The following ZDHHC7 variants were observed in gnomAD, a reference collection of about 807,000 sequenced individuals.
The protein encoded by ZDHHC7 is palmitoyltransferase ZDHHC7.
A neutral mutation model predicts 34.1 loss-of-function variants in ZDHHC7; 12 were observed. The ratio of observed to expected loss-of-function variants is 0.35; its 90% CI spans 0.23 to 0.57. The LOEUF (loss-of-function observed/expected upper bound fraction) is 0.57, where lower values mean the gene tolerates loss of function less well. Ranked by LOEUF, ZDHHC7 falls within the 20% of genes least tolerant of loss-of-function variation. ZDHHC7 has a pLI of 0.84. For synonymous variants in ZDHHC7, 185 were observed against 155.4 expected, an observed-to-expected ratio of 1.19 and a Z score of -1.42; for missense variants, 388 against 402.7, an observed-to-expected ratio of 0.96 and a Z score of 0.31.
rs549642725 is a variant in ZDHHC7, at chr16:84,975,360, C to T, written c.*983G>A. 231 of 152,506 alleles carry T rather than the reference C, an allele frequency of 1.5e-3. No homozygotes were observed. Among genetic ancestry groups the T allele is most frequent in the Admixed American group, 2.5e-3 (38 of 15,302 alleles). 9.4% of individuals were successfully genotyped at this position (152,506 alleles called of 1,614,324 possible). On this transcript the variant is annotated 3_prime_UTR_variant, in exon 8 of 8. Coordinates refer to ENST00000313732, the MANE Select transcript of ZDHHC7 (RefSeq NM_017740.3). ...AAGGATGCCTCCCCTGCCCCACACA[C>T]AGCATCGGGCTGCCCCAAGTATCAA...
the ZDHHC7 span, among the ~76,000 whole-genome samples, chr16:85,019,110 C>T: frequency 6.6e-5 from 10 of 152,324 alleles, no homozygotes; most frequent in Middle Eastern, 3.4e-3. Context: ...CTCATTCTCT[C>T]GTGGCTGTTA....
intron 2 of ZDHHC7, among the ~76,000 whole-genome samples, chr16:84,992,435 G>A (rs963285473): frequency 2.0e-5 from 3 of 152,128 alleles, no homozygotes; most frequent in Admixed American, 6.5e-5. Flanking sequence ...ATCGTACCAC[G>A]GCACTCCAGC....
intron 1 of ZDHHC7, among the ~76,000 whole-genome samples, chr16:85,003,679 G>A (rs1353701189): frequency 2.6e-5 from 4 of 152,080 alleles, no homozygotes; most frequent in East Asian, 3.8e-4. Context: ...TAAGTCATAC[G>A]GTGAATAGTG....
At chr16:85,003,302 CA>C (rs2072676237) in intron 1 of ZDHHC7, among the ~76,000 whole-genome samples, 1 of 152,154 alleles carries the variant, frequency 6.6e-6, no homozygotes, top group Non-Finnish European at 1.5e-5. Context: ...ATGGGCCGTG[CA>C]AACGGGGCCA....
chr16:85,002,869 C>A (rs2072671072), intron 1 of ZDHHC7, among the ~76,000 whole-genome samples: 1 of 151,500 alleles, frequency 6.6e-6, no homozygotes, highest in Non-Finnish European at 1.5e-5. Context: ...GGGGCTGCGG[C>A]GCTGGGAGGG....
chr16:84,999,994 T>A (rs1051719047), intron 1 of ZDHHC7, among the ~76,000 whole-genome samples: 1 of 150,154 alleles, frequency 6.7e-6, no homozygotes, highest in African/African-American at 2.5e-5. Flanking sequence ...AAAAATTTTT[T>A]AAAAATTGGC....
chr16:84,987,968 G>C (rs2143622130), intron 3 of ZDHHC7, among the ~76,000 whole-genome samples: 2 of 152,290 alleles, frequency 1.3e-5, no homozygotes, highest in South Asian at 4.1e-4. Context: ...AGGAGATCGA[G>C]ACCATCCTGG....
chr16:85,020,836 A>G, the ZDHHC7 span, among the ~76,000 whole-genome samples: 2 of 152,124 alleles, frequency 1.3e-5, no homozygotes, highest in Non-Finnish European at 2.9e-5. Flanking sequence ...CAGGCACAGA[A>G]GCTCACATCT....
At chr16:84,987,319 A>G (rs562899851) in intron 3 of ZDHHC7, among the ~76,000 whole-genome samples, 15 of 152,262 alleles carry the variant, frequency 9.9e-5, no homozygotes, top group Non-Finnish European at 2.1e-4. Flanking sequence ...ATCGTTGGTC[A>G]TTAGGGAGAT....
the ZDHHC7 span, among the ~76,000 whole-genome samples, chr16:85,021,494 C>T: frequency 2.0e-5 from 3 of 150,122 alleles, no homozygotes; most frequent in Non-Finnish European, 4.4e-5. Context: ...GGATCAACTG[C>T]GGCCAGGAGT....
chr16:85,012,696 G>A (rs143246713), upstream of ZDHHC7, among the ~76,000 whole-genome samples: 836 of 152,218 alleles, frequency 5.5e-3, 10 homozygotes, highest in African/African-American at 0.019. Flanking sequence ...CCTGAGGTCA[G>A]GAGTTCGAAA....
the ZDHHC7 span, among the ~76,000 whole-genome samples, chr16:85,019,399 G>A: frequency 6.6e-6 from 1 of 152,058 alleles, no homozygotes; most frequent in Non-Finnish European, 1.5e-5. Context: ...CTGGGCAACA[G>A]AGTGAGACCC....
intron 3 of ZDHHC7, among the ~76,000 whole-genome samples, chr16:84,987,876 T>C (rs1221967580): frequency 1.3e-5 from 2 of 152,124 alleles, no homozygotes; most frequent in African/African-American, 4.8e-5. Context: ...TGAAAGTCCC[T>C]CAACAGGCGG....
At chr16:84,992,474 G>C (rs2072523998) in intron 2 of ZDHHC7, among the ~76,000 whole-genome samples, 2 of 152,100 alleles carry the variant, frequency 1.3e-5, no homozygotes, top group African/African-American at 4.8e-5. Flanking sequence ...TCCCTCTCCA[G>C]AAACAAAAAG....
chr16:85,022,200 A>G, the ZDHHC7 span, among the ~76,000 whole-genome samples: 1 of 150,712 alleles, frequency 6.6e-6, no homozygotes, highest in Admixed American at 6.6e-5. Context: ...GGAAATGTCA[A>G]CTAATAAATG....
Position 84,986,680 on chromosome 16 carries a change from C to T in ZDHHC7, c.315+3624G>A, listed in dbSNP as rs547454161. Among the ~76,000 whole-genome samples the T allele has an allele frequency of 3.6e-4, 55 of 152,346 alleles. No homozygotes were observed. The South Asian group carries it at 0.011, about 30-fold the overall frequency. On this transcript the variant is annotated intron_variant, in intron 3 of 7. Coordinates refer to ENST00000313732, the MANE Select transcript of ZDHHC7 (RefSeq NM_017740.3). ...TCTGACCCCATCTTCCCCTCCACTCCTCACTCAAAGCACCAATGACTTTCC... is the reference window on the plus strand; with the variant it reads ...TCTGACCCCATCTTCCCCTCCACTCTTCACTCAAAGCACCAATGACTTTCC...
At chr16:85,024,500 G>A in the ZDHHC7 span, among the ~76,000 whole-genome samples, 2 of 152,138 alleles carry the variant, frequency 1.3e-5, no homozygotes, top group African/African-American at 4.8e-5. Context: ...CAAAGTGCTG[G>A]GATTAAAGGC....
In ZDHHC7 at chr16:84,979,285, A is replaced by G; in HGVS notation, c.441T>C (p.Ser147=). ...CIKPERAHHC[S]ICKRCIRKMD... ...TTTTCCGAATACATCTTTTGCAAATACTGAAAAGGAGAGTTTGATTTTTCA... is the reference window on the plus strand; with the variant it reads ...TTTTCCGAATACATCTTTTGCAAATGCTGAAAAGGAGAGTTTGATTTTTCA... The change falls in exon 5 of 8, where the codon AGT becomes AGC. Residue 147 remains serine (S), a splice_region_variant and synonymous_variant. Coordinates refer to ENST00000313732, the MANE Select transcript of ZDHHC7 (RefSeq NM_017740.3). The G allele has an allele frequency of 6.2e-7, 1 of 1,609,412 alleles. No homozygotes were observed. Among genetic ancestry groups the G allele is most frequent in the Non-Finnish European group, 8.5e-7 (1 of 1,179,202 alleles).
upstream of ZDHHC7, among the ~76,000 whole-genome samples, chr16:85,012,380 C>CAAA (rs34555910): frequency 2.6e-5 from 3 of 116,602 alleles, no homozygotes; most frequent in South Asian, 2.8e-4. Context: ...TGAACAGTCT[C>CAAA]AAAAAAAAAA....
Sources: allele counts gnomAD v4.1 joint callset (sites outside exome capture counted in the v4.1 genomes callset), GRCh38; gene constraint gnomAD v4.1.1; transcripts MANE v1.5; gene names NCBI Gene and HGNC (gene_info 2026-07-23, HGNC 2026-07-21).